Variants in NUP93 observed in about 807,000 individuals in gnomAD.
NUP93 encodes the protein nuclear pore complex protein Nup93.
A neutral mutation model predicts 107.8 loss-of-function variants in NUP93; 55 were observed. The ratio of observed to expected loss-of-function variants is 0.51; its 90% CI spans 0.41 to 0.64. NUP93 has a LOEUF of 0.64. Ranked by LOEUF, NUP93 falls within the 30% of genes least tolerant of loss-of-function variation. The probability of loss-of-function intolerance (pLI) is 0.00; values close to 1 mark genes in which losing one functional copy is unlikely to be tolerated. For synonymous variants in NUP93, 390 were observed against 397.5 expected (o/e 0.98, Z 0.22); for missense variants, 937 against 1,044.7 (o/e 0.90, Z 1.42).
rs189475016 is a variant in NUP93 at position 56,778,978 on chromosome 16, G to A, written c.298-19498G>A. Among the ~76,000 whole-genome samples, 1,009 of 152,286 alleles carry A rather than the reference G, an allele frequency of 6.6e-3. 5 individuals carry two copies. Among genetic ancestry groups the A allele is most frequent in the Non-Finnish European group, 0.01 (680 of 67,998 alleles). On this transcript the variant is annotated intron_variant, in intron 3 of 21. Coordinates refer to ENST00000308159, the MANE Select transcript of NUP93 (RefSeq NM_014669.5). ...AAGCCAGGAGGAGGTTGGTAGTGGT[G>A]GGGTGGAAAGGGAGCAGGGACCCAG...
intron 20 of NUP93, among the ~76,000 whole-genome samples, chr16:56,841,228 C>T (rs1238936691): frequency 1.3e-5 from 2 of 152,114 alleles, no homozygotes; most frequent in Non-Finnish European, 2.9e-5. Context: ...TACACGAGGG[C>T]CTGGCCTTAT....
At chr16:56,743,124 T>C (rs1597101981) in intron 1 of NUP93, among the ~76,000 whole-genome samples, 1 of 152,254 alleles carries the variant, frequency 6.6e-6, no homozygotes, top group East Asian at 1.9e-4. Flanking sequence ...ATTAAATATT[T>C]AACATAGTTA....
chr16:56,807,233 A>G (rs1408082192), intron 5 of NUP93, among the ~76,000 whole-genome samples: 1 of 152,200 alleles, frequency 6.6e-6, no homozygotes, highest in Non-Finnish European at 1.5e-5. Context: ...TGCTTCTGCC[A>G]GGAATGCTCT....
intron 3 of NUP93, among the ~76,000 whole-genome samples, chr16:56,788,550 C>T (rs758514793): frequency 6.6e-6 from 1 of 152,226 alleles, no homozygotes; most frequent in Admixed American, 6.5e-5. Context: ...GCACTCCATA[C>T]GGAGTCTCAG....
intron 8 of NUP93, 43 bp downstream of exon 8, chr16:56,823,889 T>C: frequency 6.3e-7 from 1 of 1,598,622 alleles, no homozygotes; most frequent in Non-Finnish European, 8.5e-7. Flanking sequence ...TCACATCCTT[T>C]GCAGTCAACT....
chr16:56,832,798 G>A (rs1171921927), intron 12 of NUP93, among the ~76,000 whole-genome samples: 1 of 152,148 alleles, frequency 6.6e-6, no homozygotes, highest in African/African-American at 2.4e-5. Flanking sequence ...CCAAATAGTG[G>A]TTACCAGTTG....
At chr16:56,733,525 C>T (rs750261538) in intron 1 of NUP93, among the ~76,000 whole-genome samples, 38 of 152,100 alleles carry the variant, frequency 2.5e-4, no homozygotes, top group East Asian at 5.8e-4. Flanking sequence ...AATTGTTTTA[C>T]GAAAAGAGAC....
intron 3 of NUP93, among the ~76,000 whole-genome samples, chr16:56,761,953 A>C (rs1329476114): frequency 1.3e-5 from 2 of 152,230 alleles, no homozygotes; most frequent in African/African-American, 4.8e-5. Context: ...CGCCACTTAA[A>C]TATATGTAGG....
At chr16:56,838,395 T>C (rs1963955294) in intron 18 of NUP93, among the ~76,000 whole-genome samples, 1 of 152,112 alleles carries the variant, frequency 6.6e-6, no homozygotes. Flanking sequence ...GATTGGATGC[T>C]GAGATGATGA....
chr16:56,796,553 T>TCAATTATATATAA (rs1962902070), intron 3 of NUP93, among the ~76,000 whole-genome samples: 2 of 152,242 alleles, frequency 1.3e-5, no homozygotes, highest in Admixed American at 6.5e-5. Flanking sequence ...AATTATAAAA[T>TCAATTATATATAA]GATCAAAAAC....
At chr16:56,783,885 T>C (rs1962568738) in intron 3 of NUP93, 3 of 985,438 alleles carry the variant, frequency 3.0e-6, no homozygotes, top group Non-Finnish European at 2.4e-6. Context: ...AAGTATTTCT[T>C]GTACTCATAT....
At chr16:56,748,505 C>A in intron 2 of NUP93, 79 bp downstream of exon 2, 1 of 1,244,792 alleles carries the variant, frequency 8.0e-7, no homozygotes, top group South Asian at 1.5e-5. Flanking sequence ...GCCTTGAATT[C>A]AGATCCAATC....
chr16:56,821,533 T>G lies in NUP93; in HGVS notation c.594T>G (p.Asn198Lys). The change falls in exon 7 of 22, where the codon AAT becomes AAG. Residue 198 changes from asparagine to lysine, a missense_variant. Transcript: ENST00000308159. ...ATATCTATAATGAGAAAATTGTAAA[T>G]GGACACCTGCAGCCTAACCTGGTGG... ...QIYIYNEKIV[N>K]GHLQPNLVDL... 6.2e-7 allele frequency: 1 copy of G among 1,612,974 alleles called. No homozygotes were observed. Among genetic ancestry groups the G allele is most frequent in the East Asian group, 2.2e-5 (1 of 44,882 alleles).
intron 3 of NUP93, among the ~76,000 whole-genome samples, chr16:56,768,455 C>T (rs143134446): frequency 0.025 from 3,727 of 151,982 alleles, 69 homozygotes; most frequent in Non-Finnish European, 0.04. Context: ...CCTAGCTACT[C>T]GGGAGGCTGA....
At chr16:56,751,309 C>T (rs1229365772) in intron 2 of NUP93, among the ~76,000 whole-genome samples, 1 of 152,152 alleles carries the variant, frequency 6.6e-6, no homozygotes, top group Admixed American at 6.5e-5. Flanking sequence ...TTTATTACCC[C>T]AAAGTTTTAC....
chr16:56,833,311 G>A lies in NUP93; in HGVS notation c.1442G>A (p.Arg481His), dbSNP rs749167844. 8 of 1,605,896 alleles carry A rather than the reference G, an allele frequency of 5.0e-6. No homozygotes were observed. The highest frequency in any genetic ancestry group is 5.9e-6 in the Non-Finnish European group (7 of 1,177,454). ...GAAGCAGCAGTTGCCTTTCTTTTCCGCATGGAGCGGCTGCGCTGCCATGCT... is the reference window on the plus strand; with the variant it reads ...GAAGCAGCAGTTGCCTTTCTTTTCCACATGGAGCGGCTGCGCTGCCATGCT... ...QFEAAVAFLF[R>H]MERLRCHAVH... Residue 481 changes from arginine to histidine, a missense_variant, in exon 13 of 22, where the codon CGC becomes CAC. Coordinates refer to ENST00000308159, the MANE Select transcript of NUP93 (RefSeq NM_014669.5).
chr16:56,796,472 G>A (rs751257150), intron 3 of NUP93, among the ~76,000 whole-genome samples: 6 of 152,158 alleles, frequency 3.9e-5, no homozygotes, highest in Non-Finnish European at 8.8e-5. Context: ...TCGCCTAGTA[G>A]GAGCCTTTCT....
At chr16:56,832,874 G>C (rs565962044) in intron 12 of NUP93, among the ~76,000 whole-genome samples, 25 of 152,112 alleles carry the variant, frequency 1.6e-4, no homozygotes, top group Non-Finnish European at 3.1e-4. Context: ...TTCTCTCCTT[G>C]AGTGACTTAA....
intron 1 of NUP93, among the ~76,000 whole-genome samples, chr16:56,738,894 A>T (rs940730092): frequency 6.6e-6 from 1 of 151,084 alleles, no homozygotes; most frequent in Non-Finnish European, 1.5e-5. Context: ...TCATAGTCTG[A>T]TTAATAAGGT....
Sources: allele counts gnomAD v4.1 joint callset (sites outside exome capture counted in the v4.1 genomes callset), GRCh38; gene constraint gnomAD v4.1.1; transcripts MANE v1.5; gene names NCBI Gene and HGNC (gene_info 2026-07-23, HGNC 2026-07-21).